The following BMPR1B variants were observed in gnomAD, a reference collection of about 807,000 sequenced individuals.
BMPR1B encodes bone morphogenetic protein receptor type-1B.
A neutral mutation model predicts 59.1 loss-of-function variants in BMPR1B; 12 were observed. That is an observed-to-expected ratio of 0.20 (90% CI 0.13 to 0.33). The LOEUF (loss-of-function observed/expected upper bound fraction) is 0.33. Ranked by LOEUF, BMPR1B falls within the 10% of genes least tolerant of loss-of-function variation. The pLI, the probability that BMPR1B is intolerant of heterozygous loss-of-function variation, is 1.00. For synonymous variants in BMPR1B, 237 were observed against 207.3 expected (o/e 1.14, Z -1.23); for missense variants, 550 against 610.9 (o/e 0.90, Z 1.05).
At chr4:94,830,299 G>A (rs1724532207) in intron 1 of BMPR1B, among the ~76,000 whole-genome samples, 1 of 152,090 alleles carries the variant, frequency 6.6e-6, no homozygotes. Context: ...AACACGATAT[G>A]TGATTATAGA....
intron 2 of BMPR1B, among the ~76,000 whole-genome samples, chr4:94,971,869 CA>C (rs1405930493): frequency 1.2e-4 from 18 of 151,622 alleles, no homozygotes; most frequent in Admixed American, 2.6e-4. Flanking sequence ...ATGTTCAAGA[CA>C]AAGATGCTAT....
intron 3 of BMPR1B, among the ~76,000 whole-genome samples, chr4:95,037,466 G>C (rs1055475763): frequency 1.3e-5 from 2 of 152,152 alleles, no homozygotes; most frequent in South Asian, 4.1e-4. Flanking sequence ...GAATGGAAAA[G>C]GAAAAGCACA....
Position 94,975,008 on chromosome 4 carries a change from A to G in BMPR1B, c.-112-21032A>G, listed in dbSNP as rs372842942. Among the ~76,000 whole-genome samples, 417 of 152,298 alleles carry G rather than the reference A, an allele frequency of 2.7e-3. 2 individuals are homozygous for G. The highest frequency in any genetic ancestry group is 9.6e-3 in the African/African-American group (397 of 41,568). ...CACATAGCCCAAGATATAGCCAGGA[A>G]ACCACTTCACTAACTGTAAAGAGCC... On this transcript the variant is annotated intron_variant, in intron 2 of 12. Coordinates refer to ENST00000515059, the MANE Select transcript of BMPR1B (RefSeq NM_001203.3).
chr4:95,041,102 A>G (rs1282286579), intron 3 of BMPR1B, among the ~76,000 whole-genome samples: 1 of 152,242 alleles, frequency 6.6e-6, no homozygotes, highest in Non-Finnish European at 1.5e-5. Context: ...TTTGATGTAC[A>G]TTGGCACGAT....
chr4:94,826,722 A>T (rs1578687447), intron 1 of BMPR1B, among the ~76,000 whole-genome samples: 1 of 152,254 alleles, frequency 6.6e-6, no homozygotes, highest in South Asian at 2.1e-4. Flanking sequence ...TAATTTAGGA[A>T]ACATTTTATT....
At position 94,765,575 on chromosome 4, in the gene BMPR1B, A is replaced by C. The variant is rs77805051; in HGVS notation, c.-183+7507A>C. On this transcript the variant is annotated intron_variant, in intron 1 of 12. Transcript: ENST00000515059. The stretch of plus-strand genomic sequence containing the variant: ...TCTGTTTGAATTGTGATGCCTAATA[A>C]AATTAAATGACAACAGAGAGGGGAC... 3.0e-3 allele frequency among the ~76,000 whole-genome samples: 460 copies of C among 152,322 alleles called. 2 individuals carry two copies. The highest frequency in any genetic ancestry group is 0.01 in the African/African-American group (432 of 41,584).
chr4:94,920,145 G>A (rs1006390051), intron 2 of BMPR1B, among the ~76,000 whole-genome samples: 3 of 152,088 alleles, frequency 2.0e-5, no homozygotes, highest in Non-Finnish European at 2.9e-5. Context: ...GAAAAGGGAT[G>A]TTAATTGTAC....
chr4:95,095,662 C>A (rs532100245), intron 3 of BMPR1B, among the ~76,000 whole-genome samples: 2 of 151,952 alleles, frequency 1.3e-5, no homozygotes, highest in Non-Finnish European at 2.9e-5. Context: ...TATTAGTAGA[C>A]CTTGTATGAC....
At chr4:94,926,612 T>C (rs1028255823) in intron 2 of BMPR1B, among the ~76,000 whole-genome samples, 3 of 152,138 alleles carry the variant, frequency 2.0e-5, no homozygotes, top group African/African-American at 7.2e-5. Flanking sequence ...CAGCAGTGCA[T>C]GCTGAGTTTC....
chr4:94,946,414 A>G (rs1265586556), intron 2 of BMPR1B, among the ~76,000 whole-genome samples: 1 of 152,174 alleles, frequency 6.6e-6, no homozygotes, highest in Non-Finnish European at 1.5e-5. Context: ...GTTTTTATAT[A>G]TCACTTAACT....
At chr4:95,149,178 G>C (rs923121223) in intron 11 of BMPR1B, among the ~76,000 whole-genome samples, 1 of 152,118 alleles carries the variant, frequency 6.6e-6, no homozygotes, top group Admixed American at 6.5e-5. Flanking sequence ...ACTGTTTTCT[G>C]CTCTGTGTAT....
intron 1 of BMPR1B, among the ~76,000 whole-genome samples, chr4:94,793,676 C>T: frequency 6.9e-6 from 1 of 144,480 alleles, no homozygotes; most frequent in East Asian, 2.1e-4. Flanking sequence ...CTCTCCAGCA[C>T]CTGTTGTTTC....
At chr4:94,949,308 C>CCTT (rs1302819485) in intron 2 of BMPR1B, among the ~76,000 whole-genome samples, 1 of 81,936 alleles carries the variant, frequency 1.2e-5, no homozygotes, top group African/African-American at 5.5e-5. Context: ...TGAACTCATT[C>CCTT]TTTTTTTTTT....
intron 1 of BMPR1B, among the ~76,000 whole-genome samples, chr4:94,798,521 G>A (rs1723278715): frequency 6.6e-6 from 1 of 152,144 alleles, no homozygotes; most frequent in Non-Finnish European, 1.5e-5. Context: ...AAAGAAATCT[G>A]ATCACATCCA....
At chr4:95,050,282 A>G (rs1429248165) in intron 3 of BMPR1B, among the ~76,000 whole-genome samples, 1 of 152,066 alleles carries the variant, frequency 6.6e-6, no homozygotes, top group Non-Finnish European at 1.5e-5. Context: ...ATTACCACCA[A>G]CCTCCATGTT....
chr4:95,036,262 A>G (rs1725237185), intron 3 of BMPR1B, among the ~76,000 whole-genome samples: 1 of 152,080 alleles, frequency 6.6e-6, no homozygotes, highest in South Asian at 2.1e-4. Flanking sequence ...TGTATAATTA[A>G]ATTATTATTG....
intron 2 of BMPR1B, among the ~76,000 whole-genome samples, chr4:94,970,159 C>T (rs909073581): frequency 1.3e-5 from 2 of 152,034 alleles, no homozygotes; most frequent in South Asian, 2.1e-4. Context: ...TCTTAAAGTG[C>T]TAGGATATTC....
At chr4:95,138,305 G>C (rs1733958740) in intron 10 of BMPR1B, among the ~76,000 whole-genome samples, 2 of 152,102 alleles carry the variant, frequency 1.3e-5, no homozygotes, top group Admixed American at 1.3e-4. Flanking sequence ...TCCCTTTGTG[G>C]CTAACCCGAC....
intron 2 of BMPR1B, among the ~76,000 whole-genome samples, chr4:94,930,860 T>C (rs558192539): frequency 3.3e-5 from 5 of 152,258 alleles, no homozygotes; most frequent in African/African-American, 1.2e-4. Context: ...TGAGGCCTTA[T>C]TGTGACACTA....
Sources: gnomAD v4.1 joint callset for allele counts (sites outside exome capture counted in the v4.1 genomes callset) on GRCh38, gnomAD v4.1.1 for gene constraint, MANE v1.5 for transcripts, NCBI Gene and HGNC (gene_info 2026-07-23, HGNC 2026-07-21) for gene names.